Variants in CHSY3 observed in about 807,000 individuals in gnomAD.
CHSY3 encodes N-acetylgalactosaminyl-proteoglycan 3-beta-glucuronosyltransferase 3.
In CHSY3, 35 loss-of-function variants were observed where a neutral mutation model predicts 67.2. The observed-to-expected ratio is 0.52, with a 90% CI of 0.40 to 0.69. The LOEUF is 0.69. Among genes scored for constraint, CHSY3 ranks in the 30% least tolerant of loss-of-function variants. CHSY3 has a pLI of 0.00. For synonymous variants in CHSY3, 474 were observed against 434.7 expected, an observed-to-expected ratio of 1.09 and a Z score of -1.12; for missense variants, 1,069 against 1,138.5, an observed-to-expected ratio of 0.94 and a Z score of 0.88.
chr5:129,988,119 C>T (rs1305012253), intron 2 of CHSY3, among the ~76,000 whole-genome samples: 1 of 152,132 alleles, frequency 6.6e-6, no homozygotes, highest in Non-Finnish European at 1.5e-5. Context: ...GGCATTTGTA[C>T]TCAGGGTTAA....
At chr5:130,063,762 A>T (rs1439103942) in intron 2 of CHSY3, among the ~76,000 whole-genome samples, 1 of 152,108 alleles carries the variant, frequency 6.6e-6, no homozygotes, top group African/African-American at 2.4e-5. Flanking sequence ...TTCTTGCAGC[A>T]TCCTCACCTG....
In CHSY3 at chr5:129,979,113, T is replaced by C. The variant is rs1167235195; in HGVS notation, c.1086+70753T>C. ...TACTCAGGAGGCTGAGGCAGGAGAA[T>C]AGCGTGAACCTGGGAGGCAGAGCTT... On this transcript the variant is annotated intron_variant, in intron 2 of 2. Coordinates refer to ENST00000305031, the MANE Select transcript of CHSY3 (RefSeq NM_175856.5). Among the ~76,000 whole-genome samples the C allele has an allele frequency of 3.0e-5, 4 of 135,194 alleles. No individual in the cohort carries two copies. The East Asian group carries it at 8.7e-4, about 29-fold the overall frequency. The allele number at this position is 135,194 out of a possible 152,430, so 88.7% of individuals were successfully genotyped here.
At chr5:129,916,365 A>G (rs1760729169) in intron 2 of CHSY3, among the ~76,000 whole-genome samples, 1 of 152,168 alleles carries the variant, frequency 6.6e-6, no homozygotes, top group South Asian at 2.1e-4. Context: ...TGGCCCCCCA[A>G]ACCGCGGAGC....
At chr5:130,000,736 T>TTTC (rs1421732385) in intron 2 of CHSY3, among the ~76,000 whole-genome samples, 2 of 126,468 alleles carry the variant, frequency 1.6e-5, no homozygotes, top group African/African-American at 6.8e-5. Flanking sequence ...TTTCTTCTTT[T>TTTC]TTTTTTTTTT....
chr5:130,041,757 C>A (rs891365969), intron 2 of CHSY3, among the ~76,000 whole-genome samples: 2 of 151,930 alleles, frequency 1.3e-5, no homozygotes, highest in African/African-American at 4.8e-5. Context: ...TACATTTTAA[C>A]AGATATAAAC....
chr5:129,925,649 G>A (rs1295723017), intron 2 of CHSY3, among the ~76,000 whole-genome samples: 5 of 151,892 alleles, frequency 3.3e-5, no homozygotes, highest in South Asian at 2.1e-4. Context: ...TAATCACAAC[G>A]TACAATAGCT....
intron 2 of CHSY3, among the ~76,000 whole-genome samples, chr5:129,958,198 C>T (rs1208489123): frequency 3.3e-5 from 5 of 152,062 alleles, no homozygotes; most frequent in Non-Finnish European, 7.4e-5. Flanking sequence ...TCTTTGCTAT[C>T]TTGAATTATC....
At chr5:130,013,467 C>A (rs1468911746) in intron 2 of CHSY3, among the ~76,000 whole-genome samples, 2 of 152,204 alleles carry the variant, frequency 1.3e-5, no homozygotes, top group African/African-American at 4.8e-5. Flanking sequence ...CCAGGCATTT[C>A]CATACATCCT....
chr5:129,922,653 A>C (rs1387946433), intron 2 of CHSY3, among the ~76,000 whole-genome samples: 1 of 151,982 alleles, frequency 6.6e-6, no homozygotes. Context: ...ATGTCAATTC[A>C]GGTCTTTTGC....
At chr5:129,990,815 A>G (rs958057984) in intron 2 of CHSY3, among the ~76,000 whole-genome samples, 2 of 152,156 alleles carry the variant, frequency 1.3e-5, no homozygotes, top group African/African-American at 4.8e-5. Flanking sequence ...GGGATCAAGA[A>G]GTTTATAGTA....
chr5:130,070,769 AAAGT>A (rs1766035647), intron 2 of CHSY3, among the ~76,000 whole-genome samples: 1 of 152,092 alleles, frequency 6.6e-6, no homozygotes, highest in Non-Finnish European at 1.5e-5. Context: ...AGTGTTAATA[AAAGT>A]AAGATGAATC....
At chr5:130,148,947 T>A (rs1342662105) in intron 2 of CHSY3, among the ~76,000 whole-genome samples, 1 of 152,230 alleles carries the variant, frequency 6.6e-6, no homozygotes, top group Non-Finnish European at 1.5e-5. Context: ...GCTTTTGGCA[T>A]CTTCATTATG....
At chr5:129,951,301 A>G (rs1331405043) in intron 2 of CHSY3, among the ~76,000 whole-genome samples, 1 of 152,196 alleles carries the variant, frequency 6.6e-6, no homozygotes, top group Non-Finnish European at 1.5e-5. Flanking sequence ...CTAAAAGAAA[A>G]CAGAGAAGAA....
At chr5:130,052,791 C>T (rs1765404622) in intron 2 of CHSY3, among the ~76,000 whole-genome samples, 1 of 152,064 alleles carries the variant, frequency 6.6e-6, no homozygotes, top group African/African-American at 2.4e-5. Flanking sequence ...TCCTTTCTGC[C>T]TCTATTTTAC....
At chr5:130,089,615 A>T (rs1407835544) in intron 2 of CHSY3, among the ~76,000 whole-genome samples, 1 of 152,128 alleles carries the variant, frequency 6.6e-6, no homozygotes, top group Non-Finnish European at 1.5e-5. Context: ...AATATTTGTT[A>T]AATTGCTGTT....
rs572029733 is a variant in CHSY3 at position 130,038,767 on chromosome 5, GCACTA to G, written c.1086+130410_1086+130414del. Among the ~76,000 whole-genome samples, 39 of 152,178 alleles carry G rather than the reference GCACTA, an allele frequency of 2.6e-4. No homozygotes were observed. In the South Asian group the frequency reaches 8.1e-3, roughly 32 times the overall value. On this transcript the variant is annotated intron_variant, in intron 2 of 2. Coordinates refer to ENST00000305031, the MANE Select transcript of CHSY3 (RefSeq NM_175856.5). ...GGGTAGGGAATGGTTTATCTGCACT[GCACTA>G]CAAAATATGTGTATTTTTATTGTTA...
intron 2 of CHSY3, among the ~76,000 whole-genome samples, chr5:129,985,484 T>C (rs1230624868): frequency 6.6e-6 from 1 of 152,166 alleles, no homozygotes; most frequent in Non-Finnish European, 1.5e-5. Flanking sequence ...TTCTTTTCAC[T>C]TAGGATTCCT....
In CHSY3 at chr5:129,968,821, C is replaced by T. The variant is rs77022895; in HGVS notation, c.1086+60461C>T. Among the ~76,000 whole-genome samples the T allele has an allele frequency of 9.4e-3, 1,432 of 151,922 alleles. 25 individuals carry two copies. The highest frequency in any genetic ancestry group is 0.033 in the African/African-American group (1,369 of 41,500). On this transcript the variant is annotated intron_variant, in intron 2 of 2. Coordinates refer to ENST00000305031, the MANE Select transcript of CHSY3 (RefSeq NM_175856.5). ...AGGCAGTGTTTCCCAAAGTGCAGGT[C>T]ACCAGTAGTCTACCTGCATCTGAAA...
Position 130,106,632 on chromosome 5 carries a change from A to G in CHSY3, c.1087-77597A>G, listed in dbSNP as rs140120998. On this transcript the variant is annotated intron_variant, in intron 2 of 2. Transcript: ENST00000305031. ...TACTGTTGGTGGGAAGGCATTGAAC[A>G]CAGTTTAACCTGCCCTTGAGATGAC... Among the ~76,000 whole-genome samples the G allele has an allele frequency of 3.6e-3, 548 of 151,752 alleles. 8 individuals are homozygous for G. Among genetic ancestry groups the G allele is most frequent in the African/African-American group, 0.013 (522 of 41,510 alleles).
Sources: gnomAD v4.1 joint callset for allele counts (sites outside exome capture counted in the v4.1 genomes callset) on GRCh38, gnomAD v4.1.1 for gene constraint, MANE v1.5 for transcripts, NCBI Gene and HGNC (gene_info 2026-07-23, HGNC 2026-07-21) for gene names.